Variants in CSMD3 observed in about 807,000 individuals in gnomAD.
The protein encoded by CSMD3 is CUB and sushi domain-containing protein 3.
A neutral mutation model predicts 435.2 loss-of-function variants in CSMD3; 177 were observed. That is an observed-to-expected ratio of 0.41 (90% CI 0.36 to 0.46). CSMD3 has a LOEUF of 0.46. Among genes scored for constraint, CSMD3 ranks in the 20% least tolerant of loss-of-function variants. The pLI, the probability that CSMD3 is intolerant of heterozygous loss-of-function variation, is 0.34. For synonymous variants in CSMD3, 1,656 were observed against 1,520.5 expected (o/e 1.09, Z -2.07); for missense variants, 4,265 against 4,504.6 (o/e 0.95, Z 1.52).
chr8:112,845,842 G>C (rs544090745), intron 11 of CSMD3, among the ~76,000 whole-genome samples: 10 of 152,058 alleles, frequency 6.6e-5, no homozygotes, highest in African/African-American at 2.4e-4. Flanking sequence ...ATTGGACTTT[G>C]TATTTAGATA....
chr8:112,742,023 A>G (rs1365875389), intron 13 of CSMD3, among the ~76,000 whole-genome samples: 1 of 151,872 alleles, frequency 6.6e-6, no homozygotes, highest in East Asian at 1.9e-4. Context: ...AAGAGATAGG[A>G]AGAAAAAAGT....
intron 4 of CSMD3, among the ~76,000 whole-genome samples, chr8:113,153,506 G>A (rs2091873579): frequency 6.6e-6 from 1 of 152,038 alleles, no homozygotes; most frequent in Non-Finnish European, 1.5e-5. Context: ...GCCTTCATCT[G>A]TTACATGATA....
intron 3 of CSMD3, among the ~76,000 whole-genome samples, chr8:113,195,759 G>A (rs2092644604): frequency 1.5e-5 from 2 of 136,960 alleles, no homozygotes; most frequent in South Asian, 4.5e-4. Context: ...CTTTTACTTG[G>A]ATACATATAT....
chr8:112,599,107 C>T (rs377275035), intron 22 of CSMD3, among the ~76,000 whole-genome samples: 3 of 147,406 alleles, frequency 2.0e-5, no homozygotes, highest in South Asian at 2.2e-4. Flanking sequence ...AGAAAATTTT[C>T]GCAACCTACT....
At chr8:112,878,370 C>A (rs1467120968) in intron 10 of CSMD3, among the ~76,000 whole-genome samples, 2 of 152,090 alleles carry the variant, frequency 1.3e-5, no homozygotes, top group Admixed American at 1.3e-4. Flanking sequence ...CAATGATATA[C>A]CATCTCATGT....
chr8:112,634,485 C>G (rs1586851139), intron 22 of CSMD3, among the ~76,000 whole-genome samples: 1 of 151,898 alleles, frequency 6.6e-6, no homozygotes, highest in East Asian at 1.9e-4. Flanking sequence ...TTTTAATAAG[C>G]TTAAAAGCAA....
At chr8:112,574,875 T>C (rs2131307044) in intron 23 of CSMD3, among the ~76,000 whole-genome samples, 1 of 152,062 alleles carries the variant, frequency 6.6e-6, no homozygotes, top group African/African-American at 2.4e-5. Flanking sequence ...ACTCATGGCC[T>C]GGTATTAGAG....
intron 59 of CSMD3, among the ~76,000 whole-genome samples, chr8:112,268,671 C>G (rs996957597): frequency 6.6e-6 from 1 of 152,158 alleles, no homozygotes; most frequent in African/African-American, 2.4e-5. Context: ...TATTCCACTG[C>G]TTTTCTGTTA....
At chr8:112,533,780 C>G (rs1377635827) in intron 27 of CSMD3, among the ~76,000 whole-genome samples, 1 of 152,036 alleles carries the variant, frequency 6.6e-6, no homozygotes, top group Non-Finnish European at 1.5e-5. Context: ...ACCTACTTGA[C>G]ATTTACAAAA....
intron 7 of CSMD3, among the ~76,000 whole-genome samples, chr8:112,956,604 T>TA (rs1258737491): frequency 6.6e-6 from 1 of 152,002 alleles, no homozygotes; most frequent in Non-Finnish European, 1.5e-5. Flanking sequence ...TAAAGAAAAC[T>TA]AAAGGAAAAG....
chr8:112,783,482 G>GAA (rs2078452425), intron 13 of CSMD3, among the ~76,000 whole-genome samples: 1 of 96,754 alleles, frequency 1.0e-5, no homozygotes, highest in Non-Finnish European at 2.1e-5. Context: ...AGGAAGGAAG[G>GAA]GAGAGAAGGG....
chr8:112,837,870 G>A (rs2132516472), intron 11 of CSMD3, among the ~76,000 whole-genome samples: 1 of 151,808 alleles, frequency 6.6e-6, no homozygotes, highest in Admixed American at 6.6e-5. Context: ...CATTATATAT[G>A]TATAATTACA....
At chr8:112,262,174 G>A (rs141609341) in intron 61 of CSMD3, among the ~76,000 whole-genome samples, 2 of 151,968 alleles carry the variant, frequency 1.3e-5, no homozygotes, top group East Asian at 1.9e-4. Context: ...TGATTTATTT[G>A]TTGTGGGTGT....
At chr8:112,717,840 C>T (rs528178701) in intron 13 of CSMD3, among the ~76,000 whole-genome samples, 2 of 152,050 alleles carry the variant, frequency 1.3e-5, no homozygotes, top group Non-Finnish European at 2.9e-5. Flanking sequence ...CATGTTCTCA[C>T]TGAAAAGTAG....
chr8:112,983,552 T>C (rs78970759), intron 6 of CSMD3, among the ~76,000 whole-genome samples: 67 of 149,512 alleles, frequency 4.5e-4, no homozygotes, highest in African/African-American at 1.4e-3. Flanking sequence ...TTTTGATTGA[T>C]AGAGGGCCAT....
At chr8:112,260,607 A>T (rs2130345481) in intron 61 of CSMD3, among the ~76,000 whole-genome samples, 1 of 152,298 alleles carries the variant, frequency 6.6e-6, no homozygotes, top group African/African-American at 2.4e-5. Flanking sequence ...ACAAACAAGC[A>T]AACCTGCCAT....
intron 1 of CSMD3, among the ~76,000 whole-genome samples, chr8:113,399,106 T>TATATATATAC (rs773585004): frequency 0.027 from 2,528 of 94,868 alleles, 46 homozygotes; most frequent in Middle Eastern, 0.039. Context: ...TATATATATA[T>TATATATATAC]ACACACACAC....
chr8:112,755,690 C>T (rs1040653735), intron 13 of CSMD3, among the ~76,000 whole-genome samples: 2 of 151,184 alleles, frequency 1.3e-5, no homozygotes, highest in African/African-American at 2.4e-5. Context: ...ATCCTACAAC[C>T]TATCCTTGTC....
At chr8:112,410,588 A>ATGTATATATATG (rs1219196260) in intron 32 of CSMD3, among the ~76,000 whole-genome samples, 5 of 113,770 alleles carry the variant, frequency 4.4e-5, no homozygotes, top group African/African-American at 9.3e-5. Flanking sequence ...ATACATACAT[A>ATGTATATATATG]TGTATATATA....
Sources: gnomAD v4.1 joint callset for allele counts (sites outside exome capture counted in the v4.1 genomes callset) on GRCh38, gnomAD v4.1.1 for gene constraint, MANE v1.5 for transcripts, NCBI Gene and HGNC (gene_info 2026-07-23, HGNC 2026-07-21) for gene names.